KCTD8: variants seen among roughly 807,000 people sequenced by gnomAD.
KCTD8 encodes BTB/POZ domain-containing protein KCTD8.
Under a neutral mutation model 31.5 loss-of-function variants are expected in KCTD8, and 27 were observed. That is an observed-to-expected ratio of 0.86 (90% confidence interval 0.63 to 1.18). The LOEUF is 1.18. Ranked by LOEUF, KCTD8 falls within the 50% of genes most tolerant of loss-of-function variation. The pLI is 0.00. For missense variants in KCTD8, 658 were observed against 647.7 expected (o/e 1.02, Z -0.17); for synonymous variants, 290 against 280.0 (o/e 1.04, Z -0.36).
intron 1 of KCTD8, among the ~76,000 whole-genome samples, chr4:44,446,604 C>T (rs1721944435): frequency 6.6e-6 from 1 of 152,168 alleles, no homozygotes. Context: ...CTCCACATAG[C>T]CCGCTCCGGA....
chr4:44,396,374 C>G (rs927583698), intron 1 of KCTD8, among the ~76,000 whole-genome samples: 5 of 152,060 alleles, frequency 3.3e-5, no homozygotes, highest in African/African-American at 9.7e-5. Context: ...AGGTACAGGT[C>G]TGTGGCCTGG....
intron 1 of KCTD8, among the ~76,000 whole-genome samples, chr4:44,212,977 G>A (rs1028541634): frequency 7.9e-5 from 12 of 151,790 alleles, no homozygotes; most frequent in East Asian, 3.9e-4. Flanking sequence ...TCGTTCTGTC[G>A]CCCAGGCTGG....
intron 1 of KCTD8, among the ~76,000 whole-genome samples, chr4:44,401,603 T>C (rs1222068619): frequency 1.3e-5 from 2 of 152,180 alleles, no homozygotes; most frequent in Non-Finnish European, 2.9e-5. Flanking sequence ...AAGTCACCTT[T>C]GCACAAGTCA....
At position 44,186,343 on chromosome 4, in the gene KCTD8, C is replaced by T. The variant is rs568929605; in HGVS notation, c.962-11093G>A. On this transcript the variant is annotated intron_variant, in intron 1 of 1. Coordinates refer to ENST00000360029, the MANE Select transcript of KCTD8 (RefSeq NM_198353.3). ...CCTTTCCACTGCATACCCCTGCTGG[C>T]TCCCCATCCATCTGCAGAGAGCTAC... Among the ~76,000 whole-genome samples, 4 of 152,342 alleles carry T rather than the reference C, an allele frequency of 2.6e-5. No homozygotes were observed. The South Asian group carries it at 8.3e-4, about 32-fold the overall frequency.
intron 1 of KCTD8, among the ~76,000 whole-genome samples, chr4:44,362,301 T>C (rs985331008): frequency 6.6e-6 from 1 of 152,146 alleles, no homozygotes; most frequent in Non-Finnish European, 1.5e-5. Context: ...ATGAGAAGCA[T>C]AAAGAGAATA....
chr4:44,191,694 CT>C (rs1158067547), intron 1 of KCTD8, among the ~76,000 whole-genome samples: 7 of 152,108 alleles, frequency 4.6e-5, no homozygotes, highest in Non-Finnish European at 8.8e-5. Context: ...AAATCCCGCC[CT>C]GGTAAATTTG....
chr4:44,338,298 T>G (rs939573386), intron 1 of KCTD8, among the ~76,000 whole-genome samples: 5 of 152,188 alleles, frequency 3.3e-5, no homozygotes, highest in African/African-American at 1.2e-4. Flanking sequence ...ATAGTCTGAC[T>G]TGGTTTACTG....
chr4:44,400,980 G>A (rs927955183), intron 1 of KCTD8, among the ~76,000 whole-genome samples: 2 of 149,796 alleles, frequency 1.3e-5, no homozygotes, highest in Non-Finnish European at 3.0e-5. Flanking sequence ...AGGACCACAG[G>A]TGCACACTAC....
intron 1 of KCTD8, among the ~76,000 whole-genome samples, chr4:44,431,697 G>A (rs975768671): frequency 4.0e-5 from 6 of 151,490 alleles, no homozygotes; most frequent in Non-Finnish European, 8.9e-5. Flanking sequence ...AGAAATACAT[G>A]GCATTTTTCA....
chr4:44,384,444 A>T (rs776790048), intron 1 of KCTD8, among the ~76,000 whole-genome samples: 32 of 151,928 alleles, frequency 2.1e-4, no homozygotes, highest in Non-Finnish European at 3.4e-4. Context: ...GGTATATACT[A>T]TTAAGCCATA....
chr4:44,422,145 C>T (rs984931809), intron 1 of KCTD8, among the ~76,000 whole-genome samples: 4 of 152,076 alleles, frequency 2.6e-5, no homozygotes, highest in Admixed American at 2.0e-4. Flanking sequence ...TTAGCTTTTA[C>T]ATGTACTTAC....
intron 1 of KCTD8, among the ~76,000 whole-genome samples, chr4:44,194,322 T>G (rs527549102): frequency 6.6e-6 from 1 of 152,268 alleles, no homozygotes; most frequent in East Asian, 1.9e-4. Flanking sequence ...TCAATCTTCT[T>G]TTCTGACATT....
intron 1 of KCTD8, among the ~76,000 whole-genome samples, chr4:44,193,263 A>G (rs1377923129): frequency 6.6e-6 from 1 of 152,152 alleles, no homozygotes; most frequent in African/African-American, 2.4e-5. Flanking sequence ...ACATCTCATA[A>G]TAACTTCATA....
chr4:44,303,115 G>A (rs1717680399), intron 1 of KCTD8, among the ~76,000 whole-genome samples: 1 of 152,076 alleles, frequency 6.6e-6, no homozygotes. Flanking sequence ...GCTGGATTCC[G>A]TTTGCCAGTA....
intron 1 of KCTD8, among the ~76,000 whole-genome samples, chr4:44,299,590 T>C (rs1717543462): frequency 6.6e-6 from 1 of 151,900 alleles, no homozygotes; most frequent in South Asian, 2.1e-4. Context: ...TAGCTGGACG[T>C]GGTGGCAAGT....
chr4:44,255,344 T>C (rs1252231550), intron 1 of KCTD8, among the ~76,000 whole-genome samples: 1 of 151,922 alleles, frequency 6.6e-6, no homozygotes, highest in Non-Finnish European at 1.5e-5. Flanking sequence ...AGTAATATCA[T>C]GTCTCAATAT....
chr4:44,415,705 G>A (rs778982666), intron 1 of KCTD8, among the ~76,000 whole-genome samples: 8 of 152,182 alleles, frequency 5.3e-5, no homozygotes, highest in African/African-American at 9.6e-5. Flanking sequence ...GTTTCTACTC[G>A]GTGTTAAGCC....
rs145214694 is a variant in KCTD8 at position 44,305,877 on chromosome 4, C to A, written c.962-130627G>T. Reference sequence around the variant, plus strand: ...TATCATAATAATCCTATCACATTTTCTGTACATGGAGGATTCATATTGGTA... The same window carrying A: ...TATCATAATAATCCTATCACATTTTATGTACATGGAGGATTCATATTGGTA... On this transcript the variant is annotated intron_variant, in intron 1 of 1. Transcript: ENST00000360029. Among the ~76,000 whole-genome samples, 113 of 151,842 alleles carry A rather than the reference C, an allele frequency of 7.4e-4. 1 individual carries two copies. Among genetic ancestry groups the A allele is most frequent in the East Asian group, 2.9e-3 (15 of 5,182 alleles).
chr4:44,285,735 C>A (rs943864653), intron 1 of KCTD8, among the ~76,000 whole-genome samples: 1 of 151,920 alleles, frequency 6.6e-6, no homozygotes, highest in Non-Finnish European at 1.5e-5. Context: ...ATTCTGTAGC[C>A]CATAGATCAA....
Sources: allele counts gnomAD v4.1 joint callset (sites outside exome capture counted in the v4.1 genomes callset), GRCh38; gene constraint gnomAD v4.1.1; transcripts MANE v1.5; gene names NCBI Gene and HGNC (gene_info 2026-07-23, HGNC 2026-07-21).